Variants in PIK3R3 observed in about 807,000 individuals in gnomAD.
The protein encoded by PIK3R3 is phosphatidylinositol 3-kinase regulatory subunit gamma.
A neutral mutation model predicts 62.9 loss-of-function variants in PIK3R3; 64 were observed. The ratio of observed to expected loss-of-function variants is 1.02; its 90% CI spans 0.83 to 1.25. The LOEUF (loss-of-function observed/expected upper bound fraction) is 1.25, where lower values mean the gene tolerates loss of function less well. PIK3R3 is among the 50% of genes most tolerant of loss of function. The pLI, the probability that PIK3R3 is intolerant of heterozygous loss-of-function variation, is 0.00. For synonymous variants in PIK3R3, 165 were observed against 189.0 expected, an observed-to-expected ratio of 0.87 and a Z score of 1.04; for missense variants, 614 against 561.6, an observed-to-expected ratio of 1.09 and a Z score of -0.94.
the PIK3R3 span, among the ~76,000 whole-genome samples, chr1:46,165,359 G>A: frequency 6.9e-6 from 1 of 144,616 alleles, no homozygotes; most frequent in South Asian, 2.2e-4. Context: ...AGGCTGGAAT[G>A]CAATGGTGTG....
intron 1 of PIK3R3, among the ~76,000 whole-genome samples, chr1:46,125,068 C>G (rs1239266051): frequency 1.3e-5 from 2 of 151,894 alleles, no homozygotes; most frequent in Non-Finnish European, 2.9e-5. Context: ...CACTGTACTC[C>G]AGACTGGGGG....
At chr1:46,124,923 C>A (rs1299602655) in intron 1 of PIK3R3, among the ~76,000 whole-genome samples, 4 of 151,366 alleles carry the variant, frequency 2.6e-5, no homozygotes, top group Non-Finnish European at 5.9e-5. Flanking sequence ...CATGGTGAAA[C>A]CCCGTCTCTA....
At chr1:46,100,282 TTA>T (rs1459398456) in intron 1 of PIK3R3, among the ~76,000 whole-genome samples, 1 of 152,208 alleles carries the variant, frequency 6.6e-6, no homozygotes, top group African/African-American at 2.4e-5. Context: ...ACTTTTCACA[TTA>T]ACATCTTTAA....
chr1:46,093,868 A>C (rs1184730289), intron 1 of PIK3R3, among the ~76,000 whole-genome samples: 2 of 151,702 alleles, frequency 1.3e-5, no homozygotes, highest in East Asian at 3.9e-4. Flanking sequence ...AAAAAAAAAA[A>C]AAACATCCTA....
At chr1:46,095,826 C>T (rs1652072004) in intron 1 of PIK3R3, among the ~76,000 whole-genome samples, 1 of 152,088 alleles carries the variant, frequency 6.6e-6, no homozygotes, top group Non-Finnish European at 1.5e-5. Flanking sequence ...TTGATACCAC[C>T]CACTCATATG....
intron 3 of PIK3R3, among the ~76,000 whole-genome samples, chr1:46,076,105 A>C (rs1650045271): frequency 1.3e-5 from 2 of 152,160 alleles, no homozygotes; most frequent in Non-Finnish European, 2.9e-5. Flanking sequence ...CTCAAATGCT[A>C]ATCTGCTCTG....
At chr1:46,072,924 G>C (rs1029665983) in intron 3 of PIK3R3, among the ~76,000 whole-genome samples, 2 of 150,376 alleles carry the variant, frequency 1.3e-5, no homozygotes, top group South Asian at 4.2e-4. Flanking sequence ...GAGTGACAGA[G>C]AGAGACCCTG....
At chr1:46,129,073 GAAA>G (rs763565444) in intron 1 of PIK3R3, among the ~76,000 whole-genome samples, 1 of 135,426 alleles carries the variant, frequency 7.4e-6, no homozygotes, top group South Asian at 2.3e-4. Context: ...TCTGCCTCAG[GAAA>G]AAAAAAAAAA....
intron 1 of PIK3R3, among the ~76,000 whole-genome samples, chr1:46,088,499 T>C (rs968091589): frequency 1.3e-5 from 2 of 152,018 alleles, no homozygotes; most frequent in African/African-American, 4.8e-5. Flanking sequence ...CAAAGTAACA[T>C]TCAAAGAACA....
chr1:46,092,748 G>A (rs1319781474), intron 1 of PIK3R3, among the ~76,000 whole-genome samples: 1 of 152,088 alleles, frequency 6.6e-6, no homozygotes, highest in African/African-American at 2.4e-5. Flanking sequence ...TACTACCACT[G>A]TTCTTTCACC....
chr1:46,112,289 T>C (rs1019484509), intron 1 of PIK3R3, among the ~76,000 whole-genome samples: 6 of 152,238 alleles, frequency 3.9e-5, no homozygotes, highest in African/African-American at 7.2e-5. Context: ...TACAGACTTA[T>C]AACACATTCT....
At chr1:46,164,578 G>A in the PIK3R3 span, among the ~76,000 whole-genome samples, 1 of 152,088 alleles carries the variant, frequency 6.6e-6, no homozygotes, top group Non-Finnish European at 1.5e-5. Context: ...GCAGTGAGCC[G>A]AGATTGCGCC....
Position 46,049,793 on chromosome 1 carries a change from T to C in PIK3R3, c.942-3168A>G, listed in dbSNP as rs1647212417. ...AATATTTTTAATGTAACCAGGCCAG[T>C]GGGAGCTTGGAATAAATTTAATTAA... On this transcript the variant is annotated intron_variant, in intron 7 of 9. Coordinates refer to ENST00000262741, the MANE Select transcript of PIK3R3 (RefSeq NM_003629.4). Among the ~76,000 whole-genome samples the C allele has an allele frequency of 2.6e-5, 4 of 151,440 alleles. No individual in the cohort carries two copies. In the South Asian group the frequency reaches 8.4e-4, roughly 32 times the overall value.
chr1:46,135,177 C>T (rs1220446048), upstream of PIK3R3, among the ~76,000 whole-genome samples: 1 of 152,154 alleles, frequency 6.6e-6, no homozygotes, highest in African/African-American at 2.4e-5. Context: ...GCCCCAGGCT[C>T]TTTGGCAAAG....
At chr1:46,147,596 T>C in the PIK3R3 span, among the ~76,000 whole-genome samples, 7 of 152,060 alleles carry the variant, frequency 4.6e-5, no homozygotes, top group East Asian at 1.3e-3. Flanking sequence ...TTTTTTTGTA[T>C]TTTTAGTAGA....
At chr1:46,121,913 G>A (rs1054167979) in intron 1 of PIK3R3, among the ~76,000 whole-genome samples, 7 of 151,854 alleles carry the variant, frequency 4.6e-5, no homozygotes, top group Non-Finnish European at 7.4e-5. Flanking sequence ...GCTGGACGTA[G>A]CCTACTGCCT....
At chr1:46,152,787 T>C in the PIK3R3 span, among the ~76,000 whole-genome samples, 5,030 of 152,120 alleles carry the variant, frequency 0.033, 271 homozygotes, top group African/African-American at 0.11. Context: ...ATGGTCTCGA[T>C]CTCCTGACCT....
At chr1:46,133,474 G>A (rs1037322828), upstream of PIK3R3, among the ~76,000 whole-genome samples, 1 of 152,314 alleles carries the variant, frequency 6.6e-6, no homozygotes, top group Admixed American at 6.5e-5. Flanking sequence ...TGGTCCTTAG[G>A]AGGTCTCTGG....
chr1:46,154,167 A>G, the PIK3R3 span, among the ~76,000 whole-genome samples: 1 of 152,310 alleles, frequency 6.6e-6, no homozygotes, highest in African/African-American at 2.4e-5. Context: ...GGGAAATTCT[A>G]TTGCTGAAAG....
Sources: allele counts gnomAD v4.1 joint callset (sites outside exome capture counted in the v4.1 genomes callset), GRCh38; gene constraint gnomAD v4.1.1; transcripts MANE v1.5; gene names NCBI Gene and HGNC (gene_info 2026-07-23, HGNC 2026-07-21).